RFX3: variants seen among roughly 807,000 people sequenced by gnomAD.
RFX3 encodes the protein transcription factor RFX3.
In RFX3, 14 loss-of-function variants were observed where a neutral mutation model predicts 98.6. The observed-to-expected ratio is 0.14, with a 90% CI of 0.09 to 0.22. The LOEUF (loss-of-function observed/expected upper bound fraction) is 0.22. Ranked by LOEUF, RFX3 falls within the 10% of genes least tolerant of loss-of-function variation. The probability of loss-of-function intolerance (pLI) is 1.00; values close to 1 mark genes in which losing one functional copy is unlikely to be tolerated. For synonymous variants in RFX3, 383 were observed against 328.4 expected (o/e 1.17, Z -1.80); for missense variants, 639 against 926.9 (o/e 0.69, Z 4.03).
chr9:3,468,232 A>T (rs908884999), intron 1 of RFX3, among the ~76,000 whole-genome samples: 11 of 152,208 alleles, frequency 7.2e-5, no homozygotes, highest in Non-Finnish European at 1.5e-5. Context: ...CTGAGTACAG[A>T]GACACAATTT....
At chr9:3,360,089 C>A (rs1230485636) in intron 2 of RFX3, among the ~76,000 whole-genome samples, 1 of 151,958 alleles carries the variant, frequency 6.6e-6, no homozygotes, top group East Asian at 1.9e-4. Context: ...TATTTTCTAC[C>A]CATCTTTGTG....
At chr9:3,443,565 A>G (rs1412972718) in intron 1 of RFX3, among the ~76,000 whole-genome samples, 2 of 152,162 alleles carry the variant, frequency 1.3e-5, no homozygotes, top group African/African-American at 4.8e-5. Context: ...ATAATATTAC[A>G]TGGTGTATAT....
At position 3,475,140 on chromosome 9, in the gene RFX3, A is replaced by G. The variant is rs539380811; in HGVS notation, c.-9+50607T>C. Among the ~76,000 whole-genome samples the G allele has an allele frequency of 9.7e-4, 147 of 151,100 alleles. 3 individuals carry two copies. The highest frequency in any genetic ancestry group is 9.4e-3 in the Admixed American group (143 of 15,196). ...AAAGAAAAAGAAAAAGGAAGGAAGG[A>G]AGGAAGGTAGGTTGCCAACTATAAA... On this transcript the variant is annotated intron_variant, in intron 1 of 16. Coordinates refer to ENST00000617270, the MANE Select transcript of RFX3 (RefSeq NM_001282116.2).
In RFX3 at chr9:3,388,928, A is replaced by G. The variant is rs1195662127; in HGVS notation, c.117+6544T>C. Among the ~76,000 whole-genome samples, 3 of 152,140 alleles carry G rather than the reference A, an allele frequency of 2.0e-5. No individual in the cohort carries two copies. The East Asian group carries it at 5.8e-4, about 29-fold the overall frequency. On this transcript the variant is annotated intron_variant, in intron 2 of 16. Transcript: ENST00000617270. ...GAGAAAAAGATTTGTGCTCTTCTCC[A>G]AGAAAGAGGTAAGACAGACAGAGAT...
At position 3,525,970 on chromosome 9, in the gene RFX3, G is replaced by A; in HGVS notation, c.-232C>T. 1 of 199,848 alleles carries A rather than the reference G, an allele frequency of 5.0e-6. No homozygotes were observed. Among genetic ancestry groups the A allele is most frequent in the Non-Finnish European group, 8.4e-6 (1 of 118,852 alleles). 12.4% of individuals were successfully genotyped at this position (199,848 alleles called of 1,614,324 possible). A position where few individuals can be genotyped will look rare whatever the true frequency, so the allele number is the denominator to read the frequency against. ...AGAGAGAGAGAGCGAGAGGGAGAGG[G>A]AGACACTCGCACGGGGAGGGGTGGG... On this transcript the variant is annotated 5_prime_UTR_variant, in exon 1 of 17. Coordinates refer to ENST00000617270, the MANE Select transcript of RFX3 (RefSeq NM_001282116.2).
intron 2 of RFX3, among the ~76,000 whole-genome samples, chr9:3,356,863 T>C (rs1185825312): frequency 6.6e-6 from 1 of 151,374 alleles, no homozygotes; most frequent in East Asian, 1.9e-4. Context: ...ATTTACAATA[T>C]AAAAGAAAAA....
chr9:3,232,166 G>A (rs597089), intron 15 of RFX3, among the ~76,000 whole-genome samples: 144,343 of 152,274 alleles, frequency 0.95, 68,851 homozygotes, highest in East Asian at 1. Flanking sequence ...TTATGAAGTT[G>A]CAGCATCACA....
chr9:3,265,780 C>A (rs1317579709), intron 12 of RFX3, among the ~76,000 whole-genome samples: 2 of 152,004 alleles, frequency 1.3e-5, no homozygotes, highest in African/African-American at 2.4e-5. Flanking sequence ...ATATTAATTT[C>A]TATGAACTTT....
intron 1 of RFX3, among the ~76,000 whole-genome samples, chr9:3,459,688 G>A (rs544008166): frequency 6.6e-6 from 1 of 151,634 alleles, no homozygotes; most frequent in Non-Finnish European, 1.5e-5. Flanking sequence ...TTTTTGTTCT[G>A]TGCTTCAGTA....
chr9:3,286,970 G>A (rs138518670), intron 7 of RFX3, among the ~76,000 whole-genome samples: 219 of 151,878 alleles, frequency 1.4e-3, no homozygotes, highest in African/African-American at 4.9e-3. Flanking sequence ...AGATATTGCC[G>A]AAAACTCCTC....
intron 5 of RFX3, among the ~76,000 whole-genome samples, chr9:3,296,943 T>G (rs1003346429): frequency 6.6e-6 from 1 of 152,104 alleles, no homozygotes; most frequent in South Asian, 2.1e-4. Context: ...TACGCCAGTA[T>G]TTAACTTTTA....
rs561160893 is a variant in RFX3 at position 3,473,303 on chromosome 9, A to T, written c.-9+52444T>A. Among the ~76,000 whole-genome samples the T allele has an allele frequency of 7.9e-5, 12 of 152,302 alleles. No homozygotes were observed. In the East Asian group the frequency reaches 2.3e-3, roughly 29 times the overall value. On this transcript the variant is annotated intron_variant, in intron 1 of 16. Transcript: ENST00000617270. ...GAGTTTCCCCTTTGGTGTCATAATA[A>T]CAGGCACATATTTTTCATATGAACT...
chr9:3,396,106 G>C (rs189517970), intron 1 of RFX3, among the ~76,000 whole-genome samples: 98 of 151,376 alleles, frequency 6.5e-4, no homozygotes, highest in African/African-American at 2.3e-3. Flanking sequence ...AGTTACATAT[G>C]TATACGTGTG....
chr9:3,369,985 C>T (rs972547006), intron 2 of RFX3, among the ~76,000 whole-genome samples: 24 of 147,976 alleles, frequency 1.6e-4, no homozygotes, highest in South Asian at 1.1e-3. Context: ...CCCGCCACTA[C>T]GCCCGGCTAA....
At chr9:3,426,875 T>A (rs1844087905) in intron 1 of RFX3, among the ~76,000 whole-genome samples, 1 of 152,108 alleles carries the variant, frequency 6.6e-6, no homozygotes, top group Admixed American at 6.6e-5. Context: ...AAGCACACAA[T>A]AAATGTAATG....
chr9:3,351,369 T>C (rs959568412), intron 2 of RFX3, among the ~76,000 whole-genome samples: 3 of 151,764 alleles, frequency 2.0e-5, no homozygotes, highest in Non-Finnish European at 4.4e-5. Flanking sequence ...TAAAAATGAA[T>C]AGGATAAAAT....
In RFX3 at chr9:3,237,024, G is replaced by A. The variant is rs533821488; in HGVS notation, c.1969-8135C>T. Among the ~76,000 whole-genome samples, 8 of 152,162 alleles carry A rather than the reference G, an allele frequency of 5.3e-5. No homozygotes were observed. In the South Asian group the frequency reaches 1.7e-3, roughly 32 times the overall value. On this transcript the variant is annotated intron_variant, in intron 15 of 16. Transcript: ENST00000617270. ...GTGGCTGGAATAAGATATCTCTTTGGGAAGCAACCTTTTAACTTGCTTAAA... is the reference window on the plus strand; with the variant it reads ...GTGGCTGGAATAAGATATCTCTTTGAGAAGCAACCTTTTAACTTGCTTAAA...
chr9:3,319,423 G>A (rs917225947), intron 4 of RFX3, among the ~76,000 whole-genome samples: 1 of 152,050 alleles, frequency 6.6e-6, no homozygotes, highest in East Asian at 1.9e-4. Flanking sequence ...GGTAGGTAAC[G>A]GACATTCCCA....
chr9:3,361,451 A>G (rs965887053), intron 2 of RFX3, among the ~76,000 whole-genome samples: 2 of 152,134 alleles, frequency 1.3e-5, no homozygotes, highest in Non-Finnish European at 2.9e-5. Context: ...TTTTCTCTGT[A>G]AGCAAGGGTT....
Sources: allele counts gnomAD v4.1 joint callset (sites outside exome capture counted in the v4.1 genomes callset), GRCh38; gene constraint gnomAD v4.1.1; transcripts MANE v1.5; gene names NCBI Gene and HGNC (gene_info 2026-07-23, HGNC 2026-07-21).